Variants in ST8SIA5 observed in about 807,000 individuals in gnomAD.
ST8SIA5 encodes ST8 alpha-N-acetyl-neuraminide alpha-2,8-sialyltransferase 5.
Under a neutral mutation model 40.2 loss-of-function variants are expected in ST8SIA5, and 24 were observed. The observed-to-expected ratio is 0.60, with a 90% CI of 0.43 to 0.84. ST8SIA5 has a LOEUF of 0.84. Ranked by LOEUF, ST8SIA5 falls within the 40% of genes least tolerant of loss-of-function variation. The pLI, the probability that ST8SIA5 is intolerant of heterozygous loss-of-function variation, is 0.00. For missense variants in ST8SIA5, 465 were observed against 498.5 expected, an observed-to-expected ratio of 0.93 and a Z score of 0.64; for synonymous variants, 198 against 201.8, an observed-to-expected ratio of 0.98 and a Z score of 0.16.
At chr18:46,687,474 C>T (rs1005025018) in intron 4 of ST8SIA5, among the ~76,000 whole-genome samples, 1 of 152,148 alleles carries the variant, frequency 6.6e-6, no homozygotes, top group East Asian at 1.9e-4. Context: ...ATCTGTATGT[C>T]ATACTAAGTT....
At chr18:46,749,077 CA>C (rs1459378932) in intron 1 of ST8SIA5, among the ~76,000 whole-genome samples, 7 of 152,164 alleles carry the variant, frequency 4.6e-5, no homozygotes, top group Non-Finnish European at 1.0e-4. Flanking sequence ...ACCTTGAAAA[CA>C]TTCTGCTTAG....
chr18:46,712,422 G>A (rs1249375411), intron 1 of ST8SIA5, among the ~76,000 whole-genome samples: 1 of 152,142 alleles, frequency 6.6e-6, no homozygotes, highest in African/African-American at 2.4e-5. Context: ...GAAAGGATTC[G>A]GTCTTCTCCC....
chr18:46,710,413 T>TTCTTTCTTTCTGTCTG (rs1244310202), intron 1 of ST8SIA5, among the ~76,000 whole-genome samples: 1 of 127,506 alleles, frequency 7.8e-6, no homozygotes, highest in African/African-American at 3.1e-5. Context: ...CTTTCTTTCT[T>TTCTTTCTTTCTGTCTG]TCTTTTTCTT....
Position 46,699,515 on chromosome 18 carries a change from G to A in ST8SIA5, c.224+5057C>T, listed in dbSNP as rs9675943. Among the ~76,000 whole-genome samples the A allele has an allele frequency of 9.4e-3, 1,430 of 152,114 alleles. 26 individuals carry two copies. Among genetic ancestry groups the A allele is most frequent in the African/African-American group, 0.033 (1,354 of 41,498 alleles). On this transcript the variant is annotated intron_variant, in intron 2 of 6. Transcript: ENST00000315087. Reference sequence around the variant, plus strand: ...CTGTCTCAGCCTCCCGAGTAGCTGGGAATACAGGCGCCTGCTACTACGCCT... The same window carrying A: ...CTGTCTCAGCCTCCCGAGTAGCTGGAAATACAGGCGCCTGCTACTACGCCT...
chr18:46,723,505 T>A (rs2039883854), intron 1 of ST8SIA5, among the ~76,000 whole-genome samples: 1 of 150,556 alleles, frequency 6.6e-6, no homozygotes, highest in Non-Finnish European at 1.5e-5. Context: ...TAAGCCGAGA[T>A]CACACTACTG....
intron 3 of ST8SIA5, among the ~76,000 whole-genome samples, chr18:46,691,051 G>T (rs977878638): frequency 6.6e-6 from 1 of 152,206 alleles, no homozygotes; most frequent in Non-Finnish European, 1.5e-5. Context: ...GCACCTCTGT[G>T]CAGTGTGCAC....
chr18:46,722,504 G>C (rs56894817), intron 1 of ST8SIA5, among the ~76,000 whole-genome samples: 1,767 of 152,322 alleles, frequency 0.012, 38 homozygotes, highest in African/African-American at 0.04. Flanking sequence ...CTGAGGGATG[G>C]GTTTCTCAGG....
intron 2 of ST8SIA5, among the ~76,000 whole-genome samples, chr18:46,697,261 G>T (rs942953972): frequency 6.6e-6 from 1 of 152,028 alleles, no homozygotes; most frequent in Non-Finnish European, 1.5e-5. Context: ...AATATGGATA[G>T]ATAGCCAAGG....
intron 1 of ST8SIA5, 23 bp downstream of exon 1, chr18:46,756,355 G>A (rs1201212842): frequency 1.9e-6 from 3 of 1,607,318 alleles, no homozygotes; most frequent in African/African-American, 2.7e-5. Context: ...CGCGCATCCC[G>A]CCCTCTCAAT....
intron 1 of ST8SIA5, among the ~76,000 whole-genome samples, chr18:46,733,874 G>A (rs1191952056): frequency 6.6e-6 from 1 of 152,116 alleles, no homozygotes; most frequent in Non-Finnish European, 1.5e-5. Context: ...TGCCTTTCTG[G>A]GGTCCCTCAA....
chr18:46,692,880 A>G (rs55936242), intron 2 of ST8SIA5, among the ~76,000 whole-genome samples: 23,112 of 90,992 alleles, frequency 0.25, 2,303 homozygotes, highest in Admixed American at 0.36. Flanking sequence ...CCCCCACCCT[A>G]ATCATCCCAG....
rs768523685 is a variant in ST8SIA5 at position 46,680,407 on chromosome 18, C to T, written c.766G>A (p.Asp256Asn). Reference protein sequence around the residue: ...LPAFYNTRNTDVSIRVKYVLD... With the variant: ...LPAFYNTRNTNVSIRVKYVLD... ...ACGTACTTGACGCGGATGGACACGTCGGTGTTGCGCGTGTTGTAGAAGGCA... is the reference window on the plus strand; with the variant it reads ...ACGTACTTGACGCGGATGGACACGTTGGTGTTGCGCGTGTTGTAGAAGGCA... Residue 256 changes from aspartate to asparagine, a missense_variant, in exon 7 of 7, where the codon GAC (aspartate) becomes AAC (asparagine). Asp to Asn is a conservative substitution (Grantham distance 23). Transcript: ENST00000315087. 4 of 1,613,384 alleles carry T rather than the reference C, an allele frequency of 2.5e-6. No individual in the cohort carries two copies. Among genetic ancestry groups the T allele is most frequent in the African/African-American group, 1.3e-5 (1 of 74,924 alleles).
At chr18:46,713,490 C>G (rs1266110441) in intron 1 of ST8SIA5, among the ~76,000 whole-genome samples, 1 of 152,036 alleles carries the variant, frequency 6.6e-6, no homozygotes, top group African/African-American at 2.4e-5. Flanking sequence ...ATTCCAGAGT[C>G]AAAGGACAAG....
intron 2 of ST8SIA5, among the ~76,000 whole-genome samples, chr18:46,700,742 T>G (rs1161016857): frequency 6.6e-6 from 1 of 152,152 alleles, no homozygotes; most frequent in Non-Finnish European, 1.5e-5. Flanking sequence ...GCCCAGCCCC[T>G]GGGGACAGAG....
chr18:46,680,241 T>G lies in ST8SIA5; in HGVS notation c.932A>C (p.Glu311Ala). 6.2e-7 allele frequency: 1 copy of G among 1,614,152 alleles called. No homozygotes were observed. Among genetic ancestry groups the G allele is most frequent in the Non-Finnish European group, 8.5e-7 (1 of 1,180,010 alleles). ...AAAGAGGTGCACCTCCTCACAGAGC[T>G]CCAGCGCCGCAGTGACCAGAATGAG... Reference protein sequence around the residue: ...TGLILVTAALELCEEVHLFGF... With the variant: ...TGLILVTAALALCEEVHLFGF... Residue 311 changes from glutamate (E) to alanine (A), a missense_variant, in exon 7 of 7, where the codon GAG (glutamate) becomes GCG (alanine). Coordinates refer to ENST00000315087, the MANE Select transcript of ST8SIA5 (RefSeq NM_013305.6).
At chr18:46,692,658 C>T (rs553987954) in intron 2 of ST8SIA5, among the ~76,000 whole-genome samples, 9 of 152,154 alleles carry the variant, frequency 5.9e-5, no homozygotes, top group Non-Finnish European at 1.0e-4. Context: ...CCGCTTCGGT[C>T]TCCCAAAGTG....
chr18:46,753,098 G>A lies in ST8SIA5; in HGVS notation c.131+3280C>T, dbSNP rs571059839. On this transcript the variant is annotated intron_variant, in intron 1 of 6. Coordinates refer to ENST00000315087, the MANE Select transcript of ST8SIA5 (RefSeq NM_013305.6). ...ACCCACTGTTACATCTGCCCTCTTC[G>A]TCCCTTCCTTCCACCTCACAGCAGT... is the stretch of plus-strand genomic sequence containing the variant. Among the ~76,000 whole-genome samples the A allele has an allele frequency of 3.9e-5, 6 of 152,206 alleles. No homozygotes were observed. The East Asian group carries it at 5.8e-4, about 15-fold the overall frequency.
intron 5 of ST8SIA5, among the ~76,000 whole-genome samples, chr18:46,684,262 T>C (rs114481553): frequency 0.021 from 3,230 of 152,258 alleles, 130 homozygotes; most frequent in African/African-American, 0.075. Flanking sequence ...ACAGAAAGAA[T>C]GCAAGACCAG....
intron 1 of ST8SIA5, among the ~76,000 whole-genome samples, chr18:46,727,495 A>C (rs1290859430): frequency 6.6e-6 from 1 of 152,210 alleles, no homozygotes; most frequent in East Asian, 1.9e-4. Flanking sequence ...GCAATTTAAA[A>C]ACAGGTGGAA....
Sources: gnomAD v4.1 joint callset for allele counts (sites outside exome capture counted in the v4.1 genomes callset) on GRCh38, gnomAD v4.1.1 for gene constraint, MANE v1.5 for transcripts, NCBI Gene and HGNC (gene_info 2026-07-23, HGNC 2026-07-21) for gene names.